Variants in USP34 observed in about 807,000 individuals in gnomAD.
USP34 encodes the protein ubiquitin carboxyl-terminal hydrolase 34.
In USP34, 70 loss-of-function variants were observed where a neutral mutation model predicts 460.3. The observed-to-expected ratio is 0.15, with a 90% CI of 0.13 to 0.19. The LOEUF (loss-of-function observed/expected upper bound fraction) is 0.19, where lower values mean the gene tolerates loss of function less well. Ranked by LOEUF, USP34 falls within the 10% of genes least tolerant of loss-of-function variation. USP34 has a pLI of 1.00. For synonymous variants in USP34, 1,647 were observed against 1,405.3 expected, an observed-to-expected ratio of 1.17 and a Z score of -3.85; for missense variants, 3,985 against 4,236.2, an observed-to-expected ratio of 0.94 and a Z score of 1.65.
At chr2:61,357,138 C>T (rs1692132348) in intron 10 of USP34, among the ~76,000 whole-genome samples, 1 of 152,144 alleles carries the variant, frequency 6.6e-6, no homozygotes, top group Non-Finnish European at 1.5e-5. Flanking sequence ...CAGCAGAAAA[C>T]ACATTTTTCT....
At chr2:61,314,482 A>C in intron 25 of USP34, 103 bp downstream of exon 25, 2 of 1,056,556 alleles carry the variant, frequency 1.9e-6, no homozygotes, top group Non-Finnish European at 2.6e-6. Context: ...TATGCTTTCT[A>C]CTTGACCCCA....
In USP34 at chr2:61,187,509, CAAT is replaced by C; in HGVS notation, c.*590_*592del. ...TTAATTAAGTGCACAGAATAGCAATCAATCAATCAGTCATGTCAATAAAAATAA... is the reference window on the plus strand; with the variant it reads ...TTAATTAAGTGCACAGAATAGCAATCCAATCAGTCATGTCAATAAAAATAA... On this transcript the variant is annotated 3_prime_UTR_variant, in exon 80 of 80. Coordinates refer to ENST00000398571, the MANE Select transcript of USP34 (RefSeq NM_014709.4). 6.0e-6 allele frequency: 5 copies of C among 836,108 alleles called. No individual in the cohort carries two copies. Among genetic ancestry groups the C allele is most frequent in the Admixed American group, 5.6e-4 (1 of 1,772 alleles). 51.8% of individuals were successfully genotyped at this position (836,108 alleles called of 1,614,324 possible).
chr2:61,281,074 C>T lies in USP34; in HGVS notation c.5151+16G>A, dbSNP rs756381205. On this transcript the variant is annotated intron_variant, in intron 38 of 79. Transcript: ENST00000398571. Reference sequence around the variant, plus strand: ...TTCAAAAATAGAAACTGCTTCTAAACACAGTAAAATCTTACCCTAATAGGT... The same window carrying T: ...TTCAAAAATAGAAACTGCTTCTAAATACAGTAAAATCTTACCCTAATAGGT... 5.6e-6 allele frequency: 9 copies of T among 1,609,534 alleles called. No homozygotes were observed. The highest frequency in any genetic ancestry group is 1.3e-5 in the African/African-American group (1 of 74,598).
intron 36 of USP34, 45 bp downstream of exon 36, chr2:61,283,364 A>C (rs1401478981): frequency 1.3e-6 from 2 of 1,577,168 alleles, no homozygotes; most frequent in Admixed American, 3.6e-5. Context: ...TCAATATATT[A>C]TTCAAGTTTT....
intron 1 of USP34, among the ~76,000 whole-genome samples, chr2:61,453,714 CAAAAAA>C (rs1169951643): frequency 3.1e-5 from 1 of 31,932 alleles, no homozygotes; most frequent in East Asian, 8.8e-4. Flanking sequence ...CATTCCATCT[CAAAAAA>C]AAAAAAAAAA....
At chr2:61,270,318 CA>C (rs1226692043) in intron 41 of USP34, among the ~76,000 whole-genome samples, 1 of 152,218 alleles carries the variant, frequency 6.6e-6, no homozygotes, top group Non-Finnish European at 1.5e-5. Context: ...CTCCGTGAAT[CA>C]AAAAGTAGGC....
At chr2:61,244,951 T>C (rs1688381056) in intron 51 of USP34, among the ~76,000 whole-genome samples, 1 of 152,188 alleles carries the variant, frequency 6.6e-6, no homozygotes, top group Non-Finnish European at 1.5e-5. Context: ...CTTATTCTCA[T>C]GGCACTGTAA....
In USP34 at chr2:61,314,627, C is replaced by G; in HGVS notation, c.3500G>C (p.Gly1167Ala). ...SHSSLMVIER[G>A]LLMLKTHLEA... ...CAGATGTGTCTTCAGCATAAGGAGT[C>G]CTCTTTCTATAACCATGAGACTTGA... Residue 1167 changes from glycine to alanine, a missense_variant, in exon 25 of 80, where the codon GGA (glycine) becomes GCA (alanine). This residue lies in a region of USP34 where 1,114 missense variants were observed against 1,122.5 expected (regional missense o/e 0.99). Transcript: ENST00000398571. 2 of 1,583,782 alleles carry G rather than the reference C, an allele frequency of 1.3e-6. No homozygotes were observed. The highest frequency in any genetic ancestry group is 2.4e-5 in the South Asian group (2 of 84,876).
chr2:61,320,360 G>C (rs1558528116), intron 21 of USP34, among the ~76,000 whole-genome samples: 1 of 152,112 alleles, frequency 6.6e-6, no homozygotes, highest in Admixed American at 6.5e-5. Flanking sequence ...TTCAGATTGG[G>C]ATCATTTAGA....
At chr2:61,353,153 G>GT (rs1482715321) in intron 10 of USP34, among the ~76,000 whole-genome samples, 1 of 152,200 alleles carries the variant, frequency 6.6e-6, no homozygotes, top group Admixed American at 6.5e-5. Flanking sequence ...CAGGTGGGCA[G>GT]TAAGGACCAC....
intron 3 of USP34, among the ~76,000 whole-genome samples, chr2:61,396,679 AG>A (rs1387294061): frequency 1.3e-5 from 2 of 152,074 alleles, no homozygotes; most frequent in African/African-American, 4.8e-5. Context: ...TAGTAGAGAC[AG>A]GGTTTCACCG....
At chr2:61,438,597 T>C (rs1694881388) in intron 1 of USP34, among the ~76,000 whole-genome samples, 2 of 140,608 alleles carry the variant, frequency 1.4e-5, no homozygotes, top group African/African-American at 2.8e-5. Context: ...TGAGACTCCA[T>C]CTCAAAAACA....
chr2:61,385,069 C>A (rs1166677692), intron 5 of USP34, among the ~76,000 whole-genome samples: 1 of 151,990 alleles, frequency 6.6e-6, no homozygotes, highest in African/African-American at 2.4e-5. Context: ...ACACACAACA[C>A]CCTATATATG....
intron 33 of USP34, among the ~76,000 whole-genome samples, chr2:61,290,062 A>G (rs1380019233): frequency 6.6e-6 from 1 of 152,184 alleles, no homozygotes; most frequent in East Asian, 1.9e-4. Flanking sequence ...ACATTTCACA[A>G]AAGAAGATAA....
intron 16 of USP34, among the ~76,000 whole-genome samples, chr2:61,340,821 T>C (rs1166948320): frequency 1.3e-5 from 2 of 151,938 alleles, no homozygotes; most frequent in African/African-American, 2.4e-5. Flanking sequence ...TTCATAGATA[T>C]ATAATTTTCA....
chr2:61,445,411 T>C (rs1220180918), intron 1 of USP34, among the ~76,000 whole-genome samples: 3 of 151,284 alleles, frequency 2.0e-5, no homozygotes, highest in Non-Finnish European at 4.4e-5. Flanking sequence ...GGCAAGCACC[T>C]GTAGTCCCAG....
chr2:61,272,594 A>C (rs1689249715), intron 41 of USP34, among the ~76,000 whole-genome samples: 1 of 152,086 alleles, frequency 6.6e-6, no homozygotes, highest in African/African-American at 2.4e-5. Flanking sequence ...CTTGACTCAT[A>C]CATTTGCCCT....
In USP34 at chr2:61,350,708, TAG is replaced by T. The variant is rs1462320646; in HGVS notation, c.1252-17_1252-16del. 2.5e-6 allele frequency: 4 copies of T among 1,603,636 alleles called. No homozygotes were observed. Among genetic ancestry groups the T allele is most frequent in the Middle Eastern group, 1.7e-4 (1 of 5,876 alleles). On this transcript the variant is annotated splice_polypyrimidine_tract_variant and intron_variant, in intron 10 of 79. Transcript: ENST00000398571. ...CAATGTTTCAACTAGAAAATCAAGT[TAG>T]AGAGAATGGTCAAAAATAATTGCCC...
intron 1 of USP34, among the ~76,000 whole-genome samples, chr2:61,453,751 C>T (rs183653966): frequency 7.0e-6 from 1 of 142,324 alleles, no homozygotes; most frequent in African/African-American, 2.6e-5. Flanking sequence ...AAGAAAAAAA[C>T]CAAAAAACAC....
Sources: allele counts gnomAD v4.1 joint callset (sites outside exome capture counted in the v4.1 genomes callset), GRCh38; gene constraint gnomAD v4.1.1; regional missense constraint gnomAD v4.1.1; transcripts MANE v1.5; gene names NCBI Gene and HGNC (gene_info 2026-07-23, HGNC 2026-07-21).